ZNF609: variants seen among roughly 807,000 people sequenced by gnomAD.
ZNF609 encodes the protein zinc finger protein 609.
Under a neutral mutation model 109.5 loss-of-function variants are expected in ZNF609, and 11 were observed. The observed-to-expected ratio is 0.10, with a 90% CI of 0.06 to 0.17. The LOEUF (loss-of-function observed/expected upper bound fraction) is 0.17. Ranked by LOEUF, ZNF609 falls within the 10% of genes least tolerant of loss-of-function variation. The pLI is 1.00. For missense variants in ZNF609, 1,559 were observed against 1,772.4 expected, an observed-to-expected ratio of 0.88 and a Z score of 2.16; for synonymous variants, 646 against 662.0, an observed-to-expected ratio of 0.98 and a Z score of 0.37.
At chr15:64,550,119 T>C (rs906688597) in intron 2 of ZNF609, among the ~76,000 whole-genome samples, 1 of 151,900 alleles carries the variant, frequency 6.6e-6, no homozygotes, top group East Asian at 1.9e-4. Context: ...ACCCAGCTAA[T>C]TTTTTTCTGT....
At chr15:64,511,458 G>A (rs1595703457) in intron 2 of ZNF609, among the ~76,000 whole-genome samples, 1 of 143,744 alleles carries the variant, frequency 7.0e-6, no homozygotes, top group African/African-American at 2.6e-5. Context: ...TCCAGCCTGG[G>A]CAACAAGAGT....
intron 1 of ZNF609, among the ~76,000 whole-genome samples, chr15:64,492,252 A>G (rs1232073099): frequency 6.6e-6 from 1 of 152,170 alleles, no homozygotes; most frequent in Admixed American, 6.5e-5. Flanking sequence ...CAAAGAAAAG[A>G]AGAAGAAAAA....
At chr15:64,624,692 T>G (rs1164010499) in intron 3 of ZNF609, among the ~76,000 whole-genome samples, 2 of 151,882 alleles carry the variant, frequency 1.3e-5, no homozygotes, top group African/African-American at 4.8e-5. Context: ...GTAAATCGTT[T>G]GCACTGGAAG....
chr15:64,554,574 G>A (rs532667469), intron 2 of ZNF609, among the ~76,000 whole-genome samples: 1 of 151,982 alleles, frequency 6.6e-6, no homozygotes, highest in South Asian at 2.1e-4. Context: ...GGGGAGATCA[G>A]TTGAGCCCAG....
chr15:64,595,159 A>G (rs1458482633), intron 2 of ZNF609, among the ~76,000 whole-genome samples: 4 of 151,528 alleles, frequency 2.6e-5, no homozygotes. Flanking sequence ...CAGGAGTTTG[A>G]GACCACCCTG....
At chr15:64,630,540 A>G (rs1370381940) in intron 3 of ZNF609, among the ~76,000 whole-genome samples, 1 of 152,040 alleles carries the variant, frequency 6.6e-6, no homozygotes, top group African/African-American at 2.4e-5. Context: ...AAATCTTACT[A>G]CCATATAAGT....
intron 2 of ZNF609, chr15:64,500,502 C>G (rs1288212121): frequency 3.4e-5 from 21 of 616,564 alleles, no homozygotes; most frequent in Non-Finnish European, 6.1e-5. Context: ...GGCATCAGAC[C>G]TTTATTTGTT....
chr15:64,639,172 T>C (rs560627877), intron 3 of ZNF609, among the ~76,000 whole-genome samples: 1 of 152,342 alleles, frequency 6.6e-6, no homozygotes, highest in Admixed American at 6.5e-5. Flanking sequence ...TATGGTTTGC[T>C]GCCATCACCA....
chr15:64,490,592 TTTAA>T (rs1469557215), intron 1 of ZNF609, among the ~76,000 whole-genome samples: 1 of 152,154 alleles, frequency 6.6e-6, no homozygotes, highest in Non-Finnish European at 1.5e-5. Context: ...GTAGTTTTTT[TTTAA>T]TTGTTTACCT....
chr15:64,663,074 G>C (rs1444558207), intron 3 of ZNF609, among the ~76,000 whole-genome samples: 2 of 152,162 alleles, frequency 1.3e-5, no homozygotes, highest in South Asian at 2.1e-4. Flanking sequence ...GTTTTATACA[G>C]AGAAATGATA....
At chr15:64,541,199 C>A (rs1288971847) in intron 2 of ZNF609, among the ~76,000 whole-genome samples, 2 of 148,106 alleles carry the variant, frequency 1.4e-5, no homozygotes, top group East Asian at 4.2e-4. Context: ...AGGCTGAGGC[C>A]GGCGGATCAC....
At chr15:64,597,542 C>G (rs1400871483) in intron 2 of ZNF609, among the ~76,000 whole-genome samples, 1 of 152,160 alleles carries the variant, frequency 6.6e-6, no homozygotes, top group Non-Finnish European at 1.5e-5. Context: ...ATTTGATAAG[C>G]AGCAGCGGCA....
At chr15:64,635,795 A>G (rs192552161) in intron 3 of ZNF609, among the ~76,000 whole-genome samples, 25 of 152,338 alleles carry the variant, frequency 1.6e-4, no homozygotes, top group South Asian at 8.3e-4. Flanking sequence ...AGCTATTGCT[A>G]CTGAGGCTGC....
At position 64,676,173 on chromosome 15, in the gene ZNF609, C is replaced by A; in HGVS notation, c.3319C>A (p.Leu1107Ile). The change falls in exon 5 of 10, where the codon CTA (leucine) becomes ATA (isoleucine). Residue 1107 changes from leucine to isoleucine, a missense_variant. By Grantham distance (5) the Leu-to-Ile change is conservative. Around this residue, in one of 4 missense-constraint regions of ZNF609, gnomAD observed 1,204 missense variants for 1,314.1 expected, o/e 0.92. Coordinates refer to ENST00000326648, the MANE Select transcript of ZNF609 (RefSeq NM_015042.2). ...LKVKLSDASH[L>I]SKEASEAKTG... The stretch of plus-strand genomic sequence containing the variant: ...AGTGAAGCTGAGTGATGCCAGCCAC[C>A]TAAGCAAGGAGGCCTCTGAGGCCAA... 6.2e-7 allele frequency: 1 copy of A among 1,614,236 alleles called. No individual in the cohort carries two copies. The highest frequency in any genetic ancestry group is 8.5e-7 in the Non-Finnish European group (1 of 1,180,048).
chr15:64,488,866 A>T (rs1893368611), intron 1 of ZNF609, among the ~76,000 whole-genome samples: 1 of 151,892 alleles, frequency 6.6e-6, no homozygotes, highest in South Asian at 2.1e-4. Flanking sequence ...TGAACGCAGG[A>T]GTTTGAGACC....
chr15:64,483,178 C>T (rs981388642), intron 1 of ZNF609, among the ~76,000 whole-genome samples: 5 of 151,814 alleles, frequency 3.3e-5, no homozygotes, highest in Admixed American at 2.6e-4. Flanking sequence ...TCCCTGCAAC[C>T]TCCACCTTCC....
chr15:64,485,861 A>T (rs1401891489), intron 1 of ZNF609, among the ~76,000 whole-genome samples: 3 of 152,206 alleles, frequency 2.0e-5, no homozygotes, highest in Non-Finnish European at 4.4e-5. Context: ...TCCAGTGGTA[A>T]CATCTTGCTA....
chr15:64,578,422 C>G (rs1485285087), intron 2 of ZNF609, among the ~76,000 whole-genome samples: 1 of 152,072 alleles, frequency 6.6e-6, no homozygotes, highest in African/African-American at 2.4e-5. Flanking sequence ...GAGCCGGGCA[C>G]AGTTGCTCAC....
intron 2 of ZNF609, among the ~76,000 whole-genome samples, chr15:64,580,690 C>T (rs573502292): frequency 1.1e-3 from 169 of 151,866 alleles, no homozygotes; most frequent in African/African-American, 3.5e-3. Context: ...TACAGGCATA[C>T]GCCACCATGC....
Sources: gnomAD v4.1 joint callset for allele counts (sites outside exome capture counted in the v4.1 genomes callset) on GRCh38, gnomAD v4.1.1 for gene constraint, gnomAD v4.1.1 regional missense constraint, MANE v1.5 for transcripts, NCBI Gene and HGNC (gene_info 2026-07-23, HGNC 2026-07-21) for gene names.